NCOA2: variants seen among roughly 807,000 people sequenced by gnomAD.
NCOA2 encodes nuclear receptor coactivator 2, also known as class E basic helix-loop-helix protein 75.
In NCOA2, 21 loss-of-function variants were observed where a neutral mutation model predicts 145.1. The observed-to-expected ratio is 0.14, with a 90% CI of 0.10 to 0.21. The LOEUF is 0.21. Among genes scored for constraint, NCOA2 ranks in the 10% least tolerant of loss-of-function variants. The probability of loss-of-function intolerance (pLI) is 1.00; values close to 1 mark genes in which losing one functional copy is unlikely to be tolerated. For missense variants in NCOA2, 1,472 were observed against 1,837.6 expected (o/e 0.80, Z 3.64); for synonymous variants, 619 against 637.5 (o/e 0.97, Z 0.44).
chr8:70,209,309 GT>G lies in NCOA2; in HGVS notation c.259+4593del, dbSNP rs1488715543. Reference sequence around the variant, plus strand: ...TTTTTGCGGATAAACAAAGAAAATGGTTTCTTGAGATGGAATCAACTCCTGG... The same window carrying G: ...TTTTTGCGGATAAACAAAGAAAATGGTTCTTGAGATGGAATCAACTCCTGG... On this transcript the variant is annotated intron_variant, in intron 4 of 22. Transcript: ENST00000452400. Among the ~76,000 whole-genome samples, 3 of 152,330 alleles carry G rather than the reference GT, an allele frequency of 2.0e-5. No homozygotes were observed. In the East Asian group the frequency reaches 5.8e-4, roughly 29 times the overall value.
intron 2 of NCOA2, among the ~76,000 whole-genome samples, chr8:70,278,991 CA>C (rs1825679869): frequency 6.6e-6 from 1 of 150,522 alleles, no homozygotes; most frequent in Non-Finnish European, 1.5e-5. Context: ...AAAAAAAAAT[CA>C]TTTCATTTCC....
intron 1 of NCOA2, among the ~76,000 whole-genome samples, chr8:70,395,912 C>T (rs1244628950): frequency 4.6e-5 from 7 of 152,204 alleles, no homozygotes; most frequent in African/African-American, 9.6e-5. Context: ...AACAGGTCTT[C>T]AGTCTCAGCA....
chr8:70,117,428 CT>C (rs1197137742), intron 22 of NCOA2, among the ~76,000 whole-genome samples: 1 of 152,236 alleles, frequency 6.6e-6, no homozygotes, highest in African/African-American at 2.4e-5. Context: ...TGGGAGGTTC[CT>C]CCCTCCTGAG....
chr8:70,159,803 T>C (rs767683729), intron 9 of NCOA2, among the ~76,000 whole-genome samples, 151 bp from the exon 10 acceptor site: 5 of 152,232 alleles, frequency 3.3e-5, no homozygotes, highest in Admixed American at 2.6e-4. Context: ...CTTTATGAGA[T>C]TGAAACATAA....
chr8:70,138,108 A>C, intron 15 of NCOA2, 95 bp downstream of exon 15: 1 of 1,353,588 alleles, frequency 7.4e-7, no homozygotes, highest in African/African-American at 1.5e-5. Flanking sequence ...AGTACCAATA[A>C]ATGAAAACTG....
intron 2 of NCOA2, among the ~76,000 whole-genome samples, chr8:70,274,056 C>G (rs958441992): frequency 6.6e-6 from 1 of 152,094 alleles, no homozygotes; most frequent in African/African-American, 2.4e-5. Context: ...GCTAATTAAG[C>G]CGAAGAAGTC....
chr8:70,259,163 G>A (rs904261257), intron 2 of NCOA2, among the ~76,000 whole-genome samples: 4 of 152,138 alleles, frequency 2.6e-5, no homozygotes, highest in Admixed American at 2.0e-4. Context: ...CTCAATAGCT[G>A]CTGCCTCAGA....
chr8:70,139,098 A>AGACAACCG (rs1563508107), intron 14 of NCOA2, among the ~76,000 whole-genome samples: 1 of 152,254 alleles, frequency 6.6e-6, no homozygotes, highest in Non-Finnish European at 1.5e-5. Flanking sequence ...AAGGAGGCCA[A>AGACAACCG]GACAACCCAC....
At chr8:70,179,429 G>A (rs142067000) in intron 4 of NCOA2, among the ~76,000 whole-genome samples, 11 of 152,202 alleles carry the variant, frequency 7.2e-5, no homozygotes, top group African/African-American at 2.6e-4. Flanking sequence ...GGAAAAGAAG[G>A]GAGGAAGGGA....
intron 1 of NCOA2, among the ~76,000 whole-genome samples, chr8:70,306,179 A>G (rs1313066693): frequency 1.3e-4 from 20 of 152,320 alleles, no homozygotes; most frequent in Non-Finnish European, 4.4e-5. Context: ...ATTGAGATCT[A>G]GAGCAAACTT....
At chr8:70,287,100 C>T (rs989357889) in intron 2 of NCOA2, among the ~76,000 whole-genome samples, 4 of 151,928 alleles carry the variant, frequency 2.6e-5, no homozygotes, top group African/African-American at 9.7e-5. Context: ...AAAAATTAGC[C>T]GGATGTGGTG....
chr8:70,193,064 TA>T (rs397892713), intron 4 of NCOA2, among the ~76,000 whole-genome samples: 83 of 86,546 alleles, frequency 9.6e-4, no homozygotes, highest in East Asian at 4.2e-3. Flanking sequence ...GAGACTCTAT[TA>T]AAAAAAAAAA....
intron 4 of NCOA2, among the ~76,000 whole-genome samples, chr8:70,177,192 C>T (rs1814958509): frequency 6.6e-6 from 1 of 152,156 alleles, no homozygotes; most frequent in East Asian, 1.9e-4. Context: ...AAGACAACCT[C>T]CCTGGAGGGG....
intron 12 of NCOA2, among the ~76,000 whole-genome samples, chr8:70,146,456 A>C (rs917130706): frequency 2.0e-5 from 3 of 152,250 alleles, no homozygotes; most frequent in Non-Finnish European, 4.4e-5. Context: ...ACATAGTCTG[A>C]AATAGCACAT....
chr8:70,203,069 T>C (rs370729705), intron 4 of NCOA2, among the ~76,000 whole-genome samples: 25 of 151,752 alleles, frequency 1.6e-4, no homozygotes, highest in East Asian at 9.7e-4. Flanking sequence ...TCGAGACCAT[T>C]CTGGCCAACA....
chr8:70,394,698 C>T (rs895995093), intron 1 of NCOA2, among the ~76,000 whole-genome samples: 1 of 152,198 alleles, frequency 6.6e-6, no homozygotes, highest in East Asian at 1.9e-4. Flanking sequence ...TTTCAGCTAA[C>T]ACCATTTTGA....
At chr8:70,190,849 A>C (rs1816603939) in intron 4 of NCOA2, among the ~76,000 whole-genome samples, 1 of 152,234 alleles carries the variant, frequency 6.6e-6, no homozygotes, top group Admixed American at 6.5e-5. Context: ...CCAAAAAAAA[A>C]GTAAAGTAAA....
intron 4 of NCOA2, among the ~76,000 whole-genome samples, chr8:70,181,500 G>C (rs1009854159): frequency 6.6e-6 from 1 of 152,160 alleles, no homozygotes; most frequent in African/African-American, 2.4e-5. Flanking sequence ...TTTTAAGACT[G>C]CCCATGTTTA....
chr8:70,156,615 C>G lies in NCOA2; in HGVS notation c.1750G>C (p.Asp584His). Residue 584 changes from aspartate (D) to histidine (H), a missense_variant, in exon 11 of 23, where the codon GAC (aspartate) becomes CAC (histidine). Asp to His is a moderately conservative substitution (Grantham distance 81). This residue lies in a region of NCOA2 where 953 missense variants were observed against 1,062.1 expected (regional missense o/e 0.90). Coordinates refer to ENST00000452400, the MANE Select transcript of NCOA2 (RefSeq NM_006540.4). ...GGCTCCCCATATAGTCCAAAACAGT[C>G]TTTTGAGTCCAAGCTTCCCATCTTG... The part of the protein sequence containing the change: ...LSKMGSLDSK[D>H]CFGLYGEPSE... The G allele has an allele frequency of 1.2e-6, 2 of 1,613,952 alleles. No homozygotes were observed. Among genetic ancestry groups the G allele is most frequent in the Non-Finnish European group, 1.7e-6 (2 of 1,179,892 alleles).
Sources: allele counts gnomAD v4.1 joint callset (sites outside exome capture counted in the v4.1 genomes callset), GRCh38; gene constraint gnomAD v4.1.1; regional missense constraint gnomAD v4.1.1; transcripts MANE v1.5; gene names NCBI Gene and HGNC (gene_info 2026-07-23, HGNC 2026-07-21).